DDHD1: variants seen among roughly 807,000 people sequenced by gnomAD.
The protein encoded by DDHD1 is phospholipase DDHD1.
DDHD1 carries 49 observed loss-of-function variants against 96.4 expected under a neutral mutation model. That is an observed-to-expected ratio of 0.51 (90% CI 0.40 to 0.64). The LOEUF (loss-of-function observed/expected upper bound fraction) is 0.64. Among genes scored for constraint, DDHD1 ranks in the 30% least tolerant of loss-of-function variants. The pLI, the probability that DDHD1 is intolerant of heterozygous loss-of-function variation, is 0.00. For synonymous variants in DDHD1, 442 were observed against 446.5 expected, an observed-to-expected ratio of 0.99 and a Z score of 0.13; for missense variants, 1,106 against 1,161.2, an observed-to-expected ratio of 0.95 and a Z score of 0.69.
At chr14:53,149,026 G>A (rs1284211099) in intron 1 of DDHD1, among the ~76,000 whole-genome samples, 1 of 152,164 alleles carries the variant, frequency 6.6e-6, no homozygotes, top group Non-Finnish European at 1.5e-5. Context: ...ATGTCCACAT[G>A]CAGCCAGGAG....
At chr14:53,063,974 C>T (rs74876626) in intron 6 of DDHD1, among the ~76,000 whole-genome samples, 1,536 of 152,160 alleles carry the variant, frequency 0.01, 31 homozygotes, top group African/African-American at 0.035. Flanking sequence ...CAAACCCATC[C>T]TGGGCCCTGA....
At chr14:53,059,683 G>A (rs1401069679) in intron 8 of DDHD1, among the ~76,000 whole-genome samples, 1 of 149,256 alleles carries the variant, frequency 6.7e-6, no homozygotes, top group African/African-American at 2.4e-5. Context: ...GGCCAACATG[G>A]TGAAACCCCG....
intron 1 of DDHD1, among the ~76,000 whole-genome samples, chr14:53,121,271 T>G (rs1412483179): frequency 6.6e-6 from 1 of 152,154 alleles, no homozygotes; most frequent in African/African-American, 2.4e-5. Flanking sequence ...TATTAAAAAG[T>G]CAGGAAACAA....
rs748719624 is a variant in DDHD1, at chr14:53,054,483, T to C, written c.2392A>G (p.Thr798Ala). ...VASPSATTVG[T>A]QTLPHSSSGF... is the part of the protein sequence containing the mutation. The stretch of plus-strand genomic sequence containing the variant: ...GAACTGCTATGTGGAAGGGTCTGTG[T>C]CCCTACGGTGGTAGCAGAAGGTGAG... The change falls in exon 11 of 13, where the codon ACA (threonine) becomes GCA (alanine). Residue 798 changes from threonine to alanine, a missense_variant. Thr to Ala is a moderately conservative substitution (Grantham distance 58, BLOSUM62 0). Around this residue, in one of 2 missense-constraint regions of DDHD1, gnomAD observed 650 missense variants for 758.8 expected, o/e 0.86. Transcript: ENST00000673822. 1.2e-6 allele frequency: 2 copies of C among 1,614,126 alleles called. No individual in the cohort carries two copies.
At chr14:53,127,020 A>G (rs1025028762) in intron 1 of DDHD1, among the ~76,000 whole-genome samples, 3 of 152,194 alleles carry the variant, frequency 2.0e-5, no homozygotes, top group African/African-American at 7.2e-5. Flanking sequence ...AAAAAGGAGA[A>G]AAAGATTTGT....
chr14:53,048,197 T>C (rs1250022973), intron 12 of DDHD1, among the ~76,000 whole-genome samples: 3 of 152,236 alleles, frequency 2.0e-5, no homozygotes, highest in Non-Finnish European at 2.9e-5. Context: ...TATTAAACTA[T>C]GCTCTTCTTA....
intron 4 of DDHD1, among the ~76,000 whole-genome samples, chr14:53,091,299 C>T (rs185024607): frequency 6.6e-6 from 1 of 152,086 alleles, no homozygotes; most frequent in Non-Finnish European, 1.5e-5. Context: ...AGGTAAATAA[C>T]CTGTCTGGTG....
In DDHD1 at chr14:53,072,511, T is replaced by TA. The variant is rs548513646; in HGVS notation, c.1503+85dup. 542 of 691,672 alleles carry TA rather than the reference T, an allele frequency of 7.8e-4. 5 individuals are homozygous for TA. The East Asian group carries it at 0.012, about 16-fold the overall frequency. 42.8% of individuals were successfully genotyped at this position (691,672 alleles called of 1,614,324 possible). On this transcript the variant is annotated intron_variant, in intron 6 of 12. Transcript: ENST00000673822. ...GAATTCCTGTAATTTCTCATTTGCT[T>TA]AAAAAAAACATAAAATGTAAAAATT...
chr14:53,102,665 G>C (rs1202349991), intron 2 of DDHD1, among the ~76,000 whole-genome samples: 3 of 152,074 alleles, frequency 2.0e-5, no homozygotes, highest in Admixed American at 6.5e-5. Flanking sequence ...AGAGGTAAGA[G>C]AGAGCAAAGA....
rs1481992992 is a variant in DDHD1 at position 53,152,522 on chromosome 14, C to T, written c.577G>A (p.Ala193Thr). 6.2e-7 allele frequency: 1 copy of T among 1,613,454 alleles called. No individual in the cohort carries two copies. The highest frequency in any genetic ancestry group is 1.1e-5 in the South Asian group (1 of 91,084). The change falls in exon 1 of 13, where the codon GCC becomes ACC. Residue 193 changes from alanine to threonine, a missense_variant. Physicochemically the swap from Ala to Thr is moderately conservative, Grantham distance 58 (BLOSUM62 0). Transcript: ENST00000673822. ...IGYDSLRIEL[A>T]FRTLLQTTGA... ...GTGGTCTGCAGCAGGGTCCGGAAGG[C>T]GAGCTCGATGCGGAGCGAGTCGTAG...
chr14:53,057,867 G>A (rs1172378368), intron 9 of DDHD1, among the ~76,000 whole-genome samples: 1 of 152,120 alleles, frequency 6.6e-6, no homozygotes. Context: ...TTTACTTTTT[G>A]GAGACAGAGT....
At chr14:53,103,189 T>C in intron 2 of DDHD1, 1 of 745,902 alleles carries the variant, frequency 1.3e-6, no homozygotes. Flanking sequence ...AATATGCAAG[T>C]GCTGAATAAA....
intron 8 of DDHD1, among the ~76,000 whole-genome samples, chr14:53,059,448 T>C (rs61985086): frequency 0.16 from 24,049 of 151,508 alleles, 2,292 homozygotes; most frequent in East Asian, 0.34. Flanking sequence ...GCTTTTACTG[T>C]GTTAGTCAGG....
intron 2 of DDHD1, among the ~76,000 whole-genome samples, chr14:53,099,578 C>G (rs1187385774): frequency 2.0e-5 from 3 of 152,100 alleles, no homozygotes; most frequent in Non-Finnish European, 4.4e-5. Context: ...CTGCACTTAC[C>G]CATTCAGTTC....
chr14:53,093,278 C>T, intron 3 of DDHD1, 38 bp downstream of exon 3: 1 of 1,571,016 alleles, frequency 6.4e-7, no homozygotes, highest in East Asian at 2.3e-5. Context: ...GTCAGATTCC[C>T]AAAATTTTGA....
rs554971831 is a variant in DDHD1, at chr14:53,044,940, G to A, written c.*1828C>T. The A allele has an allele frequency of 9.2e-5, 14 of 152,296 alleles. No homozygotes were observed. The South Asian group carries it at 2.7e-3, about 29-fold the overall frequency. 9.4% of individuals were successfully genotyped at this position (152,296 alleles called of 1,614,324 possible). A position where few individuals can be genotyped will look rare whatever the true frequency, so the allele number is the denominator to read the frequency against. On this transcript the variant is annotated 3_prime_UTR_variant, in exon 13 of 13. Transcript: ENST00000673822. ...TGGGAAGCTAAGCAATTCCTTGCAAGTTAAGAAAAGACAGCACCTTAAGTG... is the reference window on the plus strand; with the variant it reads ...TGGGAAGCTAAGCAATTCCTTGCAAATTAAGAAAAGACAGCACCTTAAGTG...
At chr14:53,049,791 A>G (rs1351026139) in intron 12 of DDHD1, among the ~76,000 whole-genome samples, 3 of 152,182 alleles carry the variant, frequency 2.0e-5, no homozygotes, top group Non-Finnish European at 4.4e-5. Flanking sequence ...AGTAAAAATG[A>G]GAAAAGAAAC....
intron 4 of DDHD1, among the ~76,000 whole-genome samples, chr14:53,084,872 C>T (rs1363225322): frequency 1.3e-5 from 2 of 152,196 alleles, no homozygotes; most frequent in African/African-American, 2.4e-5. Flanking sequence ...CTTTCCTAGC[C>T]AAGGGAAGCC....
chr14:53,082,463 T>A (rs1269862817), intron 4 of DDHD1, among the ~76,000 whole-genome samples: 7 of 134,450 alleles, frequency 5.2e-5, no homozygotes, highest in Non-Finnish European at 9.5e-5. Flanking sequence ...TTTTTTTTTT[T>A]AAGAGATGAG....
Sources: gnomAD v4.1 joint callset for allele counts (sites outside exome capture counted in the v4.1 genomes callset) on GRCh38, gnomAD v4.1.1 for gene constraint, gnomAD v4.1.1 regional missense constraint, MANE v1.5 for transcripts, NCBI Gene and HGNC (gene_info 2026-07-23, HGNC 2026-07-21) for gene names.